Variants in AK9 observed in about 807,000 individuals in gnomAD.
AK9 encodes the protein adenylate kinase domain containing 1.
AK9 carries 191 observed loss-of-function variants against 239.6 expected under a neutral mutation model. The observed-to-expected ratio is 0.80, with a 90% CI of 0.71 to 0.90. The LOEUF is 0.90. Ranked by LOEUF, AK9 falls within the 40% of genes least tolerant of loss-of-function variation. The pLI, the probability that AK9 is intolerant of heterozygous loss-of-function variation, is 0.00. For missense variants in AK9, 1,995 were observed against 2,214.7 expected, an observed-to-expected ratio of 0.90 and a Z score of 1.99; for synonymous variants, 689 against 721.0, an observed-to-expected ratio of 0.96 and a Z score of 0.71.
At chr6:109,597,523 A>G (rs1791203265) in intron 17 of AK9, among the ~76,000 whole-genome samples, 1 of 152,062 alleles carries the variant, frequency 6.6e-6, no homozygotes, top group Admixed American at 6.6e-5. Flanking sequence ...ATACAAAAAA[A>G]TTAGCCAGGT....
chr6:109,542,827 C>T (rs1783069394), intron 26 of AK9, among the ~76,000 whole-genome samples: 1 of 152,104 alleles, frequency 6.6e-6, no homozygotes, highest in Admixed American at 6.5e-5. Context: ...AACACAACCA[C>T]TTTTGCACCA....
At chr6:109,683,313 G>A (rs1772961791) in intron 1 of AK9, among the ~76,000 whole-genome samples, 1 of 152,162 alleles carries the variant, frequency 6.6e-6, no homozygotes, top group Non-Finnish European at 1.5e-5. Flanking sequence ...GCAAAAACTG[G>A]AAGCATTTTC....
intron 12 of AK9, among the ~76,000 whole-genome samples, chr6:109,626,170 T>G (rs1250983456): frequency 2.0e-5 from 3 of 152,156 alleles, no homozygotes; most frequent in Admixed American, 6.5e-5. Flanking sequence ...GGATTTCCAT[T>G]TGGTTCTGTT....
At position 109,600,305 on chromosome 6, in the gene AK9, T is replaced by C. The variant is rs561098293; in HGVS notation, c.1842+10060A>G. On this transcript the variant is annotated intron_variant, in intron 17 of 40. Coordinates refer to ENST00000424296, the MANE Select transcript of AK9 (RefSeq NM_001145128.3). ...AGCATGAAGGGCTGTTGAATTTTCT[T>C]GAAGGCCTTTTCCGCATCTATTGAG... Among the ~76,000 whole-genome samples, 11 of 152,324 alleles carry C rather than the reference T, an allele frequency of 7.2e-5. No individual in the cohort carries two copies. In the South Asian group the frequency reaches 1.9e-3, roughly 26 times the overall value.
Position 109,657,335 on chromosome 6 carries a change from G to C in AK9, c.631-451C>G, listed in dbSNP as rs190052996. Reference sequence around the variant, plus strand: ...AGCACTCACACACATTGCAGTTGAGGAAGGCAGCATAAACAAGTACACAAA... The same window carrying C: ...AGCACTCACACACATTGCAGTTGAGCAAGGCAGCATAAACAAGTACACAAA... On this transcript the variant is annotated intron_variant, in intron 7 of 40. Transcript: ENST00000424296. 7.9e-5 allele frequency among the ~76,000 whole-genome samples: 12 copies of C among 152,218 alleles called. No individual in the cohort carries two copies. In the East Asian group the frequency reaches 1.9e-3, roughly 24 times the overall value.
intron 13 of AK9, among the ~76,000 whole-genome samples, chr6:109,617,873 A>G (rs1794363371): frequency 6.6e-6 from 1 of 152,098 alleles, no homozygotes; most frequent in Non-Finnish European, 1.5e-5. Flanking sequence ...GAGCACATTT[A>G]TTTGAATCCC....
chr6:109,494,160 T>C (rs1345672437), intron 39 of AK9, 65 bp from the exon 40 acceptor site: 6 of 1,099,148 alleles, frequency 5.5e-6, no homozygotes, highest in Non-Finnish European at 8.1e-6. Context: ...TTAGTGCCAA[T>C]AGATAAACAG....
At chr6:109,688,669 C>G (rs1274898744) in intron 1 of AK9, among the ~76,000 whole-genome samples, 1 of 152,146 alleles carries the variant, frequency 6.6e-6, no homozygotes, top group Admixed American at 6.5e-5. Context: ...GAAATTTGCA[C>G]CTCACTTCTG....
intron 19 of AK9, among the ~76,000 whole-genome samples, chr6:109,582,052 T>C (rs1449555490): frequency 6.6e-6 from 1 of 152,176 alleles, no homozygotes; most frequent in Non-Finnish European, 1.5e-5. Context: ...CTTTACTGAG[T>C]ATTTTAACTG....
At chr6:109,671,270 T>A (rs1373738489) in intron 5 of AK9, among the ~76,000 whole-genome samples, 1 of 152,218 alleles carries the variant, frequency 6.6e-6, no homozygotes, top group African/African-American at 2.4e-5. Flanking sequence ...ATTCAGTAAA[T>A]CCATTTCAGG....
At position 109,506,412 on chromosome 6, in the gene AK9, G is replaced by A. The variant is rs756976429; in HGVS notation, c.4764C>T (p.Ser1588=). 5 of 1,613,702 alleles carry A rather than the reference G, an allele frequency of 3.1e-6. No individual in the cohort carries two copies. The highest frequency in any genetic ancestry group is 4.2e-6 in the Non-Finnish European group (5 of 1,179,928). Residue 1588 remains serine (S), a synonymous_variant, in exon 35 of 41, where the codon AGC becomes AGT. Coordinates refer to ENST00000424296, the MANE Select transcript of AK9 (RefSeq NM_001145128.3). ...QNWYVIDGFH[S]KWWVWNEVIK... is the part of the protein sequence containing the mutation. Reference sequence around the variant, plus strand: ...TGACTTCATTCCATACCCACCATTTGCTGTGAAATCCATCAATCACATACC... The same window carrying A: ...TGACTTCATTCCATACCCACCATTTACTGTGAAATCCATCAATCACATACC...
At chr6:109,610,338 T>G (rs2128238731) in intron 17 of AK9, 27 bp downstream of exon 17, 1 of 1,547,764 alleles carries the variant, frequency 6.5e-7, no homozygotes. Flanking sequence ...AAGTCACTGA[T>G]AAGAATTGCC....
chr6:109,647,390 G>A (rs1297808165), intron 8 of AK9, among the ~76,000 whole-genome samples: 1 of 152,158 alleles, frequency 6.6e-6, no homozygotes, highest in African/African-American at 2.4e-5. Context: ...AGGGATGGAG[G>A]AAGATCTACC....
At chr6:109,673,277 A>G (rs1771207621) in intron 3 of AK9, among the ~76,000 whole-genome samples, 2 of 152,084 alleles carry the variant, frequency 1.3e-5, no homozygotes, top group African/African-American at 4.8e-5. Context: ...CCAGATTGCA[A>G]CTTTACTAAC....
chr6:109,493,249 T>A lies in AK9; in HGVS notation c.*120A>T. The A allele has an allele frequency of 1.0e-6, 1 of 1,001,482 alleles. No homozygotes were observed. Among genetic ancestry groups the A allele is most frequent in the Non-Finnish European group, 1.5e-6 (1 of 676,556 alleles). The allele number at this position is 1,001,482 out of a possible 1,614,324, so 62.0% of individuals were successfully genotyped here. On this transcript the variant is annotated 3_prime_UTR_variant, in exon 41 of 41. Transcript: ENST00000424296. ...TTCACCTGAAGTCTGGCAGCCATGG[T>A]ACCTTGCTCAGGAGGCAAAAGTACT...
Position 109,550,259 on chromosome 6 carries a change from G to T in AK9, c.2795C>A (p.Thr932Lys). The T allele has an allele frequency of 1.2e-6, 2 of 1,612,598 alleles. No individual in the cohort carries two copies. Among genetic ancestry groups the T allele is most frequent in the Non-Finnish European group, 1.7e-6 (2 of 1,179,970 alleles). Residue 932 changes from threonine (T) to lysine (K), a missense_variant, in exon 25 of 41, where the codon ACA (threonine) becomes AAA (lysine). Physicochemically the swap from Thr to Lys is moderately conservative, Grantham distance 78 (BLOSUM62 -1). Around this residue, in one of 5 missense-constraint regions of AK9, gnomAD observed 1,290 missense variants for 1,392.7 expected, o/e 0.93. Coordinates refer to ENST00000424296, the MANE Select transcript of AK9 (RefSeq NM_001145128.3). The part of the protein sequence containing the change: ...MKERKRHLGD[T>K]KHFCPVVLKE... ...GAGGACCACCGGACAAAAGTGTTTT[G>T]TGTCTCCCAAATGCCTCTTTCTCTC...
At chr6:109,632,390 T>G in intron 12 of AK9, 2 of 863,602 alleles carry the variant, frequency 2.3e-6, no homozygotes, top group Non-Finnish European at 2.8e-6. Context: ...CAGCTTTGTC[T>G]TCAAATTATA....
At chr6:109,564,413 AT>A in intron 22 of AK9, 133 bp from the exon 23 acceptor site, 2 of 610,064 alleles carry the variant, frequency 3.3e-6, no homozygotes, top group East Asian at 5.9e-5. Flanking sequence ...AACAATATAC[AT>A]TCATAAATTC....
chr6:109,660,850 A>G, intron 6 of AK9: 1 of 388,952 alleles, frequency 2.6e-6, no homozygotes, highest in South Asian at 2.3e-5. Context: ...TTGCATTTCT[A>G]CTAAGCTTCT....
Sources: allele counts gnomAD v4.1 joint callset (sites outside exome capture counted in the v4.1 genomes callset), GRCh38; gene constraint gnomAD v4.1.1; regional missense constraint gnomAD v4.1.1; transcripts MANE v1.5; gene names NCBI Gene and HGNC (gene_info 2026-07-23, HGNC 2026-07-21).